Variants in CACNA2D4 observed in about 807,000 individuals in gnomAD.
CACNA2D4 encodes calcium voltage-gated channel auxiliary subunit alpha2delta 4.
CACNA2D4 carries 157 observed loss-of-function variants against 163.8 expected under a neutral mutation model. The observed-to-expected ratio is 0.96, with a 90% CI of 0.84 to 1.09. The LOEUF (loss-of-function observed/expected upper bound fraction) is 1.09, where lower values mean the gene tolerates loss of function less well. Ranked by LOEUF, CACNA2D4 falls within the 50% of genes least tolerant of loss-of-function variation. CACNA2D4 has a pLI of 0.00. For synonymous variants in CACNA2D4, 598 were observed against 586.9 expected (o/e 1.02, Z -0.27); for missense variants, 1,410 against 1,479.9 (o/e 0.95, Z 0.78).
rs972507289 is a variant in CACNA2D4, at chr12:1,834,822, G to A, written c.2551+5917C>T. 4.6e-5 allele frequency: 67 copies of A among 1,444,516 alleles called. No individual in the cohort carries two copies. In the African/African-American group the frequency reaches 5.1e-4, roughly 11 times the overall value. 89.5% of individuals were successfully genotyped at this position (1,444,516 alleles called of 1,614,324 possible). On this transcript the variant is annotated intron_variant, in intron 26 of 37. Coordinates refer to ENST00000382722, the MANE Select transcript of CACNA2D4 (RefSeq NM_172364.5). This position sits in a 1 kb window ranked among gnomAD's most constrained non-coding sequence, Gnocchi z 7.6. ...ACCCGGCGCTGGCCACTGCCTCCCC[G>A]AGTCCACCCTCCTCCCCGCCCTCCA...
rs548369327 is a variant in CACNA2D4, at chr12:1,917,310, C to A, written c.227+937G>T. Among the ~76,000 whole-genome samples, 1 of 152,320 alleles carries A rather than the reference C, an allele frequency of 6.6e-6. No homozygotes were observed. Among genetic ancestry groups the A allele is most frequent in the African/African-American group, 2.4e-5 (1 of 41,566 alleles). ...CGTGCCAGGCAGGGAACAAGGAGAGCTATGCGGCTCGATGGGAAACGATGC... is the reference window on the plus strand; with the variant it reads ...CGTGCCAGGCAGGGAACAAGGAGAGATATGCGGCTCGATGGGAAACGATGC... On this transcript the variant is annotated intron_variant, in intron 1 of 37. Coordinates refer to ENST00000382722, the MANE Select transcript of CACNA2D4 (RefSeq NM_172364.5). This position sits in a 1 kb window ranked among gnomAD's most constrained non-coding sequence, Gnocchi z 4.3.
chr12:1,803,378 T>C (rs542647077), intron 29 of CACNA2D4, among the ~76,000 whole-genome samples: 18 of 152,334 alleles, frequency 1.2e-4, no homozygotes, highest in African/African-American at 4.1e-4. Context: ...CCATGGTTCA[T>C]AATGCTGTGA....
chr12:1,884,954 T>TCCTCCCAGG, intron 10 of CACNA2D4, 33 bp downstream of exon 10: 1 of 1,605,400 alleles, frequency 6.2e-7, no homozygotes, highest in Non-Finnish European at 8.5e-7. Flanking sequence ...TTCCTCCCAG[T>TCCTCCCAGG]CCTCCCCTCC....
chr12:1,826,480 G>A (rs959688465), intron 26 of CACNA2D4, among the ~76,000 whole-genome samples: 1 of 127,638 alleles, frequency 7.8e-6, no homozygotes, highest in Non-Finnish European at 1.6e-5. Flanking sequence ...AACCATGACA[G>A]CACCACGCTC....
At chr12:1,897,879 A>G (rs747106968) in intron 6 of CACNA2D4, among the ~76,000 whole-genome samples, 1 of 152,222 alleles carries the variant, frequency 6.6e-6, no homozygotes, top group Admixed American at 6.5e-5. Flanking sequence ...AATGGCATGT[A>G]TAGAAGATTT....
chr12:1,814,640 C>T (rs1863818128), intron 26 of CACNA2D4, among the ~76,000 whole-genome samples: 1 of 152,138 alleles, frequency 6.6e-6, no homozygotes, highest in African/African-American at 2.4e-5. Flanking sequence ...TCCCTCCTCC[C>T]ATCCAACGTC....
chr12:1,814,921 A>C (rs151193758), intron 26 of CACNA2D4, among the ~76,000 whole-genome samples: 1 of 152,068 alleles, frequency 6.6e-6, no homozygotes, highest in Non-Finnish European at 1.5e-5. Context: ...ACAGAGTCTC[A>C]CTCTGTCACC....
rs201262755 is a variant in CACNA2D4, at chr12:1,914,824, C to T, written c.309+30G>A. The T allele has an allele frequency of 1.8e-5, 28 of 1,547,300 alleles. No individual in the cohort carries two copies. In the South Asian group the frequency reaches 2.0e-4, roughly 11 times the overall value. ...CGATGGCTGACTGCCCTCTGCCACC[C>T]GGTGGGCTCTCTGGAAGGGGGTGAC... On this transcript the variant is annotated intron_variant, in intron 2 of 37. Transcript: ENST00000382722.
Position 1,797,444 on chromosome 12 carries a change from C to T in CACNA2D4, c.3087G>A (p.Gly1029=). ...VYQPAIREAN[G]IVECGPCQKV... ...TCTGGCAGGGCCCGCACTCCACGATCCCGTTGGCCTCCCGGATGGCCGGCT... is the reference window on the plus strand; with the variant it reads ...TCTGGCAGGGCCCGCACTCCACGATTCCGTTGGCCTCCCGGATGGCCGGCT... The change falls in exon 35 of 38, where the codon GGG becomes GGA. Residue 1029 remains glycine (G), a synonymous_variant. Coordinates refer to ENST00000382722, the MANE Select transcript of CACNA2D4 (RefSeq NM_172364.5). The T allele has an allele frequency of 6.4e-7, 1 of 1,568,810 alleles. No homozygotes were observed. Among genetic ancestry groups the T allele is most frequent in the East Asian group, 2.3e-5 (1 of 42,704 alleles).
chr12:1,899,505 G>C (rs1592743916), intron 6 of CACNA2D4, among the ~76,000 whole-genome samples: 2 of 152,160 alleles, frequency 1.3e-5, no homozygotes, highest in Admixed American at 6.5e-5. Context: ...GATAATAAGA[G>C]AATAATAGAT....
intron 6 of CACNA2D4, among the ~76,000 whole-genome samples, chr12:1,906,939 T>C (rs1327083376): frequency 6.6e-6 from 1 of 152,230 alleles, no homozygotes; most frequent in African/African-American, 2.4e-5. Context: ...TGACTTATTT[T>C]AAATGGGAAT....
chr12:1,901,972 A>G (rs1167968627), intron 6 of CACNA2D4, among the ~76,000 whole-genome samples: 2 of 152,084 alleles, frequency 1.3e-5, no homozygotes, highest in African/African-American at 4.8e-5. Context: ...CTCAATAAAA[A>G]CACTAGCAAA....
chr12:1,866,472 ATTAT>A (rs1275990109), intron 18 of CACNA2D4, among the ~76,000 whole-genome samples: 1 of 152,158 alleles, frequency 6.6e-6, no homozygotes, highest in Non-Finnish European at 1.5e-5. Flanking sequence ...ATTAACCCAC[ATTAT>A]TTATCATTTC....
At chr12:1,897,255 A>C (rs987513878) in intron 6 of CACNA2D4, among the ~76,000 whole-genome samples, 7 of 152,164 alleles carry the variant, frequency 4.6e-5, no homozygotes, top group Non-Finnish European at 5.9e-5. Context: ...AGGAATAAAG[A>C]GGAAGGTTAG....
intron 26 of CACNA2D4, among the ~76,000 whole-genome samples, chr12:1,815,592 G>C (rs1167329218): frequency 6.7e-6 from 1 of 148,214 alleles, no homozygotes; most frequent in African/African-American, 2.7e-5. Flanking sequence ...TTGATCCCCA[G>C]CACCTAGAAT....
intron 6 of CACNA2D4, among the ~76,000 whole-genome samples, chr12:1,900,618 A>C (rs185363040): frequency 6.6e-6 from 1 of 152,328 alleles, no homozygotes; most frequent in Non-Finnish European, 1.5e-5. Flanking sequence ...ATGTCATTAG[A>C]TAATGATAAA....
At chr12:1,830,938 T>C in intron 26 of CACNA2D4, 9 of 1,594,848 alleles carry the variant, frequency 5.6e-6, no homozygotes, top group Non-Finnish European at 7.7e-6. Flanking sequence ...CACCAAGGGA[T>C]CACCTGCTGG....
chr12:1,867,522 T>A (rs1228377189), intron 18 of CACNA2D4, among the ~76,000 whole-genome samples: 1 of 152,208 alleles, frequency 6.6e-6, no homozygotes, highest in Admixed American at 6.5e-5. Flanking sequence ...GATACGGTAC[T>A]TTTTGGTTTT....
chr12:1,899,018 CAAT>C (rs1384012800), intron 6 of CACNA2D4, among the ~76,000 whole-genome samples: 2 of 152,016 alleles, frequency 1.3e-5, no homozygotes, highest in African/African-American at 4.8e-5. Context: ...TGTTGCACAA[CAAT>C]GAGAATGCAC....
Sources: gnomAD v4.1 joint callset for allele counts (sites outside exome capture counted in the v4.1 genomes callset) on GRCh38, gnomAD v4.1.1 for gene constraint, Gnocchi (gnomAD v3.1) non-coding constraint, MANE v1.5 for transcripts, NCBI Gene and HGNC (gene_info 2026-07-23, HGNC 2026-07-21) for gene names.